CCDC88A: variants seen among roughly 807,000 people sequenced by gnomAD.
CCDC88A encodes the protein girdin.
In CCDC88A, 54 loss-of-function variants were observed where a neutral mutation model predicts 234.3. The ratio of observed to expected loss-of-function variants is 0.23; its 90% confidence interval spans 0.19 to 0.29. CCDC88A has a LOEUF of 0.29. CCDC88A is among the 10% of genes least tolerant of loss of function. The pLI is 1.00. For missense variants in CCDC88A, 1,832 were observed against 2,123.4 expected, an observed-to-expected ratio of 0.86 and a Z score of 2.70; for synonymous variants, 753 against 737.8, an observed-to-expected ratio of 1.02 and a Z score of -0.33.
chr2:55,417,883 G>C (rs1004186370), intron 2 of CCDC88A: 1 of 151,972 alleles, frequency 6.6e-6, no homozygotes, highest in Non-Finnish European at 1.5e-5. Context: ...ACATATAAAA[G>C]TTCCAAACTA....
chr2:55,370,991 C>T (rs6754930), intron 5 of CCDC88A, among the ~76,000 whole-genome samples: 46,005 of 151,918 alleles, frequency 0.3, 7,373 homozygotes, highest in East Asian at 0.54. Flanking sequence ...TCCTGCCTGA[C>T]AGAGTGAGAC....
chr2:55,397,221 A>G (rs1444969918), intron 2 of CCDC88A: 2 of 152,194 alleles, frequency 1.3e-5, no homozygotes, highest in South Asian at 4.2e-4. Context: ...CAGCCTCCCA[A>G]GTAGCTGGGA....
intron 2 of CCDC88A, among the ~76,000 whole-genome samples, chr2:55,392,541 G>C (rs1232776540): frequency 2.0e-5 from 3 of 152,048 alleles, no homozygotes; most frequent in African/African-American, 7.2e-5. Flanking sequence ...CCTTTTATTA[G>C]ATTTATTCCT....
Position 55,296,057 on chromosome 2 carries a change from C to G in CCDC88A, c.5092-1G>C. On this transcript the variant is annotated splice_acceptor_variant, in intron 30 of 32. Coordinates refer to ENST00000436346, the MANE Select transcript of CCDC88A (RefSeq NM_001365480.1). LOFTEE classifies it high-confidence loss of function. The stretch of plus-strand genomic sequence containing the variant: ...GATTCTCTTGACTTGAGGACTTTAT[C>G]TGTTTAAAAAAAAATTCAAAGCAGA... The G allele has an allele frequency of 6.3e-7, 1 of 1,576,556 alleles. No homozygotes were observed. The highest frequency in any genetic ancestry group is 8.6e-7 in the Non-Finnish European group (1 of 1,167,162).
intron 11 of CCDC88A, 89 bp from the exon 12 acceptor site, chr2:55,343,881 A>G: frequency 5.5e-6 from 6 of 1,089,832 alleles, no homozygotes; most frequent in Non-Finnish European, 7.6e-6. Flanking sequence ...ACTTTTATTT[A>G]TCAGAAACTC....
At chr2:55,394,245 A>G (rs902167831) in intron 2 of CCDC88A, 7 of 152,228 alleles carry the variant, frequency 4.6e-5, no homozygotes, top group African/African-American at 1.7e-4. Flanking sequence ...ATGTCCCTAC[A>G]AAGGACATGA....
At chr2:55,401,434 C>A (rs57885140) in intron 2 of CCDC88A, among the ~76,000 whole-genome samples, 11,779 of 42,252 alleles carry the variant, frequency 0.28, 1,668 homozygotes, top group Non-Finnish European at 0.34. Context: ...ACTCTGTCTC[C>A]AAAAAAAAAA....
At chr2:55,402,049 T>G (rs1001587984) in intron 2 of CCDC88A, among the ~76,000 whole-genome samples, 27 of 152,248 alleles carry the variant, frequency 1.8e-4, no homozygotes, top group Middle Eastern at 3.4e-3. Context: ...AGTTAGCAGT[T>G]TTTTAACTTT....
chr2:55,382,169 T>A (rs1674705209), intron 3 of CCDC88A, among the ~76,000 whole-genome samples: 1 of 152,192 alleles, frequency 6.6e-6, no homozygotes, highest in South Asian at 2.1e-4. Flanking sequence ...CTGAATTTTA[T>A]TAACACTCCA....
chr2:55,339,400 G>A, intron 13 of CCDC88A, 64 bp downstream of exon 13: 1 of 1,238,386 alleles, frequency 8.1e-7, no homozygotes, highest in South Asian at 1.5e-5. Context: ...AAAATAAATG[G>A]GCTATTTATT....
intron 28 of CCDC88A, chr2:55,300,228 A>C: frequency 3.2e-6 from 1 of 312,554 alleles, no homozygotes; most frequent in Non-Finnish European, 6.2e-6. Flanking sequence ...AGATCCCCCA[A>C]AATGCTATTG....
rs140643947 is a variant in CCDC88A, at chr2:55,309,649, T to G, written c.4080-395A>C. On this transcript the variant is annotated intron_variant, in intron 23 of 32. Transcript: ENST00000436346. The surrounding 1 kb of genome is among the most constrained non-coding windows in gnomAD (Gnocchi z 5.1). ...ACCATTTCCTGACTCCAGCAATGCA[T>G]GAGTCATCGCATCCTAGTCTCATTG... Among the ~76,000 whole-genome samples, 8 of 152,288 alleles carry G rather than the reference T, an allele frequency of 5.3e-5. No individual in the cohort carries two copies. The highest frequency in any genetic ancestry group is 1.7e-4 in the African/African-American group (7 of 41,558).
At chr2:55,296,552 T>C (rs760417401) in intron 29 of CCDC88A, 29 bp from the exon 30 acceptor site, 22 of 1,598,084 alleles carry the variant, frequency 1.4e-5, no homozygotes, top group Non-Finnish European at 1.8e-5. Flanking sequence ...TGTTGAGATT[T>C]CAATAATAGA....
At chr2:55,375,513 GTATGTA>G (rs1441491267) in intron 3 of CCDC88A, among the ~76,000 whole-genome samples, 2 of 11,954 alleles carry the variant, frequency 1.7e-4, no homozygotes, top group Non-Finnish European at 4.1e-4. Context: ...ATATATATAT[GTATGTA>G]TGTATAAATA....
At chr2:55,329,720 A>G (rs1172489444) in intron 16 of CCDC88A, 1 of 152,226 alleles carries the variant, frequency 6.6e-6, no homozygotes, top group Non-Finnish European at 1.5e-5. Context: ...ACAGGTATTA[A>G]AAGAGAAAAG....
At chr2:55,316,552 C>T (rs1332275279) in intron 21 of CCDC88A, among the ~76,000 whole-genome samples, 1 of 151,970 alleles carries the variant, frequency 6.6e-6, no homozygotes, top group African/African-American at 2.4e-5. Flanking sequence ...CCTATTTCTA[C>T]AAAAACTAAA....
chr2:55,354,561 G>A (rs1670313341), intron 8 of CCDC88A, among the ~76,000 whole-genome samples: 1 of 150,424 alleles, frequency 6.6e-6, no homozygotes, highest in African/African-American at 2.4e-5. Context: ...ATATCCTTAT[G>A]CTTTTTTTCT....
intron 5 of CCDC88A, among the ~76,000 whole-genome samples, chr2:55,366,370 AC>A (rs1326890759): frequency 6.6e-6 from 1 of 152,098 alleles, no homozygotes; most frequent in East Asian, 1.9e-4. Context: ...TATTAAAAAT[AC>A]AAAAAATTAG....
chr2:55,372,171 A>C (rs1320747601), intron 5 of CCDC88A, among the ~76,000 whole-genome samples: 1 of 152,208 alleles, frequency 6.6e-6, no homozygotes, highest in African/African-American at 2.4e-5. Flanking sequence ...GCACCTCTGA[A>C]AAAACCTCAA....
Sources: gnomAD v4.1 joint callset for allele counts (sites outside exome capture counted in the v4.1 genomes callset) on GRCh38, gnomAD v4.1.1 for gene constraint, Gnocchi (gnomAD v3.1) non-coding constraint, MANE v1.5 for transcripts, NCBI Gene and HGNC (gene_info 2026-07-23, HGNC 2026-07-21) for gene names.